Variants in AK5 observed in about 807,000 individuals in gnomAD.
AK5 encodes the protein adenylate kinase 5, also known as adenylate kinase isoenzyme 5.
AK5 carries 27 observed loss-of-function variants against 69.5 expected under a neutral mutation model. The observed-to-expected ratio is 0.39, with a 90% confidence interval of 0.29 to 0.54. The LOEUF (loss-of-function observed/expected upper bound fraction) is 0.54. AK5 is among the 20% of genes least tolerant of loss of function. AK5 has a pLI of 0.71. For synonymous variants in AK5, 260 were observed against 244.4 expected (o/e 1.06, Z -0.60); for missense variants, 531 against 700.4 (o/e 0.76, Z 2.73).
At chr1:77,551,224 AAC>A (rs3077617) in intron 13 of AK5, among the ~76,000 whole-genome samples, 98,208 of 149,746 alleles carry the variant, frequency 0.66, 33,195 homozygotes, top group Non-Finnish European at 0.75. Flanking sequence ...GGCCTTTCCC[AAC>A]ACACACACAC....
intron 1 of AK5, among the ~76,000 whole-genome samples, chr1:77,285,534 T>C (rs1333908434): frequency 2.6e-5 from 4 of 152,246 alleles, no homozygotes; most frequent in Non-Finnish European, 5.9e-5. Flanking sequence ...GGGTGTTTTG[T>C]ATACTAACAA....
At chr1:77,557,073 A>G (rs1209360241) in intron 13 of AK5, among the ~76,000 whole-genome samples, 3 of 151,326 alleles carry the variant, frequency 2.0e-5, no homozygotes, top group East Asian at 3.9e-4. Flanking sequence ...CTCCCCCCAC[A>G]TATACACCCT....
At chr1:77,531,893 C>T (rs1342268086) in intron 12 of AK5, among the ~76,000 whole-genome samples, 2 of 151,840 alleles carry the variant, frequency 1.3e-5, no homozygotes, top group South Asian at 4.2e-4. Context: ...CTGCAGGTCC[C>T]GAGCCCTGCC....
intron 8 of AK5, among the ~76,000 whole-genome samples, chr1:77,444,430 TAAATATATACTATATATAGTATATAC>T (rs1345640182): frequency 1.5e-3 from 92 of 59,906 alleles, no homozygotes; most frequent in African/African-American, 6.8e-3. Context: ...ATACATAGTA[TAAATATATACTATATATAGTATATAC>T]ATAGTATAAA....
rs187317344 is a variant in AK5 at position 77,483,405 on chromosome 1, T to C, written c.1102+46T>C. On this transcript the variant is annotated intron_variant, in intron 9 of 13. Transcript: ENST00000354567. ...AGATCAAAGTTGTCATTTTAGTAAC[T>C]TTGACCATGCCTTTTTAATTAAACA... The C allele has an allele frequency of 1.4e-4, 204 of 1,443,500 alleles. 1 individual carries two copies. Among genetic ancestry groups the C allele is most frequent in the Admixed American group, 8.0e-4 (47 of 58,906 alleles). 89.4% of individuals were successfully genotyped at this position (1,443,500 alleles called of 1,614,324 possible). A position where few individuals can be genotyped will look rare whatever the true frequency, so the allele number is the denominator to read the frequency against.
At chr1:77,415,346 C>A (rs777755904) in intron 7 of AK5, among the ~76,000 whole-genome samples, 1 of 152,082 alleles carries the variant, frequency 6.6e-6, no homozygotes, top group African/African-American at 2.4e-5. Context: ...AAGTAGGACA[C>A]GGGTACTAAA....
At chr1:77,324,980 C>CTTTTTTTTTTTTTTTTT (rs374298984) in intron 5 of AK5, among the ~76,000 whole-genome samples, 4 of 139,198 alleles carry the variant, frequency 2.9e-5, no homozygotes, top group African/African-American at 8.0e-5. Flanking sequence ...TTACGAGCTA[C>CTTTTTTTTTTTTTTTTT]TTTTTTTTTT....
intron 5 of AK5, among the ~76,000 whole-genome samples, chr1:77,302,474 T>C (rs1434973646): frequency 6.6e-6 from 1 of 152,182 alleles, no homozygotes; most frequent in Non-Finnish European, 1.5e-5. Context: ...TATTGCATAG[T>C]GGTGATTTCT....
At chr1:77,383,120 T>C (rs1436947608) in intron 6 of AK5, among the ~76,000 whole-genome samples, 2 of 152,222 alleles carry the variant, frequency 1.3e-5, no homozygotes, top group Non-Finnish European at 2.9e-5. Context: ...AGTATTTGAA[T>C]AGATTGCTTT....
At chr1:77,393,589 T>G (rs1372535212) in intron 6 of AK5, among the ~76,000 whole-genome samples, 1 of 152,216 alleles carries the variant, frequency 6.6e-6, no homozygotes, top group Non-Finnish European at 1.5e-5. Context: ...CCAGAAAACG[T>G]GATTCTACAT....
Position 77,536,009 on chromosome 1 carries a change from T to G in AK5, c.1591T>G (p.Tyr531Asp), listed in dbSNP as rs747770341. 1.9e-6 allele frequency: 3 copies of G among 1,612,810 alleles called. No individual in the cohort carries two copies. The highest frequency in any genetic ancestry group is 1.3e-5 in the African/African-American group (1 of 74,510). The change falls in exon 13 of 14, where the codon TAC becomes GAC. Residue 531 changes from tyrosine (Y) to aspartate (D), a missense_variant. By Grantham distance (160) the Tyr-to-Asp change is radical (BLOSUM62 -3). Coordinates refer to ENST00000354567, the MANE Select transcript of AK5 (RefSeq NM_174858.3). ...CCGAGCGTCCATCCCCGTGATCGCC[T>G]ACTACGAGACAAAAACACAGCTACA... ...YYRASIPVIAYYETKTQLHKI... is the reference protein window; with the variant it reads ...YYRASIPVIADYETKTQLHKI...
intron 1 of AK5, chr1:77,282,799 G>C: frequency 7.0e-6 from 7 of 994,432 alleles, no homozygotes; most frequent in Non-Finnish European, 8.4e-6. Flanking sequence ...GCTGGTCGAG[G>C]GTCGGAACCC....
At chr1:77,424,907 G>C (rs1651092393) in intron 8 of AK5, among the ~76,000 whole-genome samples, 1 of 152,108 alleles carries the variant, frequency 6.6e-6, no homozygotes, top group South Asian at 2.1e-4. Flanking sequence ...CCAAACCACA[G>C]ATCCAGGAAT....
In AK5 at chr1:77,459,590, A is replaced by T. The variant is rs573523727; in HGVS notation, c.1060-23727A>T. On this transcript the variant is annotated intron_variant, in intron 8 of 13. Coordinates refer to ENST00000354567, the MANE Select transcript of AK5 (RefSeq NM_174858.3). ...GTTTCTGATTCAATAGGTCTGAGGTAGCCTAAGAATTTGCCTTTGTAATGA... is the reference window on the plus strand; with the variant it reads ...GTTTCTGATTCAATAGGTCTGAGGTTGCCTAAGAATTTGCCTTTGTAATGA... 3.3e-5 allele frequency among the ~76,000 whole-genome samples: 5 copies of T among 152,350 alleles called. No individual in the cohort carries two copies. In the East Asian group the frequency reaches 5.8e-4, roughly 18 times the overall value.
chr1:77,510,072 C>G (rs564009791), intron 10 of AK5, among the ~76,000 whole-genome samples: 1 of 152,282 alleles, frequency 6.6e-6, no homozygotes, highest in Admixed American at 6.5e-5. Context: ...AGGTGTGAAC[C>G]TGGAACTCAA....
At chr1:77,324,378 A>G (rs1182393500) in intron 5 of AK5, among the ~76,000 whole-genome samples, 1 of 151,680 alleles carries the variant, frequency 6.6e-6, no homozygotes, top group Non-Finnish European at 1.5e-5. Context: ...ATAGAATAAG[A>G]CTAAAACTAA....
chr1:77,520,910 A>T (rs1195266400), intron 11 of AK5, among the ~76,000 whole-genome samples: 2 of 152,202 alleles, frequency 1.3e-5, no homozygotes, highest in Non-Finnish European at 2.9e-5. Flanking sequence ...AGAGCCCACG[A>T]AAAGGGAATT....
intron 6 of AK5, chr1:77,371,301 G>A (rs1370461843): frequency 6.6e-6 from 1 of 152,210 alleles, no homozygotes; most frequent in Admixed American, 6.5e-5. Flanking sequence ...ACGCTGTCCA[G>A]GAGCTGGTTA....
At chr1:77,359,334 T>C (rs535969152) in intron 6 of AK5, among the ~76,000 whole-genome samples, 2 of 152,256 alleles carry the variant, frequency 1.3e-5, no homozygotes, top group South Asian at 4.1e-4. Context: ...AACTATTTGT[T>C]TTCACCACAA....
Sources: allele counts gnomAD v4.1 joint callset (sites outside exome capture counted in the v4.1 genomes callset), GRCh38; gene constraint gnomAD v4.1.1; transcripts MANE v1.5; gene names NCBI Gene and HGNC (gene_info 2026-07-23, HGNC 2026-07-21).